The following PHACTR1 variants were observed in gnomAD, a reference collection of about 807,000 sequenced individuals.
PHACTR1 encodes the protein RPEL repeat containing 1.
PHACTR1 carries 16 observed loss-of-function variants against 69.2 expected under a neutral mutation model. The observed-to-expected ratio is 0.23, with a 90% confidence interval of 0.16 to 0.35. The LOEUF (loss-of-function observed/expected upper bound fraction) is 0.35. Ranked by LOEUF, PHACTR1 falls within the 10% of genes least tolerant of loss-of-function variation. The pLI is 1.00. For missense variants in PHACTR1, 510 were observed against 734.7 expected (o/e 0.69, Z 3.54); for synonymous variants, 312 against 284.5 (o/e 1.10, Z -0.97).
At chr6:13,218,856 GAGAAGAGAA>G (rs1768122168) in intron 8 of PHACTR1, among the ~76,000 whole-genome samples, 1 of 4,132 alleles carries the variant, frequency 2.4e-4, no homozygotes, top group Non-Finnish European at 1.0e-3. Flanking sequence ...GAGGAGGAAA[GAGAAGAGAA>G]GAGAAGAGAA....
At chr6:12,808,997 C>T (rs553432313) in intron 4 of PHACTR1, among the ~76,000 whole-genome samples, 2 of 152,176 alleles carry the variant, frequency 1.3e-5, no homozygotes, top group Admixed American at 6.5e-5. Context: ...CCCACTTCAG[C>T]CTCCTGGGTA....
intron 4 of PHACTR1, among the ~76,000 whole-genome samples, chr6:12,837,677 T>G (rs1251789905): frequency 1.3e-5 from 2 of 151,650 alleles, no homozygotes; most frequent in South Asian, 2.1e-4. Context: ...TATGTGGCCC[T>G]GGGCAAGTTT....
chr6:13,087,119 T>TTA (rs915472537), intron 5 of PHACTR1, among the ~76,000 whole-genome samples: 5 of 148,210 alleles, frequency 3.4e-5, no homozygotes, highest in East Asian at 3.9e-4. Flanking sequence ...TCAGACTGTT[T>TTA]TATATATATA....
At chr6:13,247,360 T>TGTGA (rs1554171051) in intron 10 of PHACTR1, among the ~76,000 whole-genome samples, 2 of 151,642 alleles carry the variant, frequency 1.3e-5, no homozygotes, top group African/African-American at 4.9e-5. Context: ...TGTGTGTGTG[T>TGTGA]GTGTGACGGA....
At chr6:12,789,502 T>G (rs1771962862) in intron 4 of PHACTR1, among the ~76,000 whole-genome samples, 2 of 152,290 alleles carry the variant, frequency 1.3e-5, no homozygotes, top group South Asian at 4.1e-4. Context: ...ATACTATATA[T>G]GAAGAGACAA....
chr6:13,038,231 GGCTGGTGTTACACA>G (rs1244277034), intron 4 of PHACTR1, among the ~76,000 whole-genome samples: 1 of 152,036 alleles, frequency 6.6e-6, no homozygotes, highest in East Asian at 1.9e-4. Flanking sequence ...TTAAAAACTT[GGCTGGTGTTACACA>G]GCTAGTAAGA....
intron 8 of PHACTR1, among the ~76,000 whole-genome samples, chr6:13,209,297 G>A (rs2113897713): frequency 6.6e-6 from 1 of 152,302 alleles, no homozygotes; most frequent in East Asian, 1.9e-4. Flanking sequence ...CCTGTTGCCT[G>A]TCAACATGAT....
chr6:13,084,037 G>C lies in PHACTR1; in HGVS notation c.415+30508G>C, dbSNP rs559544674. Among the ~76,000 whole-genome samples, 6 of 152,128 alleles carry C rather than the reference G, an allele frequency of 3.9e-5. No individual in the cohort carries two copies. The South Asian group carries it at 1.2e-3, about 31-fold the overall frequency. On this transcript the variant is annotated intron_variant, in intron 5 of 14. Transcript: ENST00000332995. ...TCCCATTACTGGGTATATACCCAAAGGATTATAAATCATGCTGCTATAAAG... is the reference window on the plus strand; with the variant it reads ...TCCCATTACTGGGTATATACCCAAACGATTATAAATCATGCTGCTATAAAG...
intron 7 of PHACTR1, among the ~76,000 whole-genome samples, chr6:13,200,055 A>AC (rs1392848986): frequency 6.6e-6 from 1 of 151,974 alleles, no homozygotes; most frequent in Non-Finnish European, 1.5e-5. Flanking sequence ...TATCCCAATG[A>AC]CCCCCCAGGA....
At position 13,231,682 on chromosome 6, in the gene PHACTR1, G is replaced by T. The variant is rs545354868; in HGVS notation, c.1391+1489G>T. Among the ~76,000 whole-genome samples the T allele has an allele frequency of 6.6e-5, 10 of 152,338 alleles. 1 individual carries two copies. The East Asian group carries it at 1.9e-3, about 29-fold the overall frequency. On this transcript the variant is annotated intron_variant, in intron 10 of 14. Transcript: ENST00000332995. ...TTATGTATGGATATTACAGACATGG[G>T]CATAGCTTTATGTTATATTAAGATA...
intron 5 of PHACTR1, among the ~76,000 whole-genome samples, chr6:13,063,916 T>C (rs1355629700): frequency 6.6e-6 from 1 of 152,196 alleles, no homozygotes; most frequent in Non-Finnish European, 1.5e-5. Flanking sequence ...CTGGGTGTTA[T>C]CCTAATGCAA....
intron 10 of PHACTR1, among the ~76,000 whole-genome samples, chr6:13,268,241 TG>T (rs1426554734): frequency 1.3e-5 from 2 of 152,210 alleles, no homozygotes; most frequent in African/African-American, 4.8e-5. Flanking sequence ...CACTCCAGCG[TG>T]GGTGACAGGG....
At chr6:12,853,212 G>A (rs960376469) in intron 4 of PHACTR1, among the ~76,000 whole-genome samples, 2 of 152,160 alleles carry the variant, frequency 1.3e-5, no homozygotes, top group East Asian at 3.9e-4. Flanking sequence ...GGCTCAAAAA[G>A]TTAGTCTCTT....
chr6:13,057,979 T>C (rs563270830), intron 5 of PHACTR1, among the ~76,000 whole-genome samples: 1 of 152,126 alleles, frequency 6.6e-6, no homozygotes, highest in African/African-American at 2.4e-5. Context: ...AAAACAGGAA[T>C]GGATGGAACA....
intron 4 of PHACTR1, among the ~76,000 whole-genome samples, chr6:12,919,664 T>C (rs1467655329): frequency 2.0e-5 from 3 of 152,234 alleles, no homozygotes; most frequent in Admixed American, 6.5e-5. Context: ...TGGGCTCTGG[T>C]ACACTTGGCA....
At position 13,157,144 on chromosome 6, in the gene PHACTR1, C is replaced by T. The variant is rs74507516; in HGVS notation, c.416-3060C>T. Among the ~76,000 whole-genome samples the T allele has an allele frequency of 3.4e-3, 525 of 152,304 alleles. 1 individual carries two copies. Among genetic ancestry groups the T allele is most frequent in the African/African-American group, 0.012 (480 of 41,570 alleles). ...ATGCTGGCAGCTGCAGCCACACCAG[C>T]TTTCTTTCTGTTCCTTCCTGGAACC... On this transcript the variant is annotated intron_variant, in intron 5 of 14. Coordinates refer to ENST00000332995, the MANE Select transcript of PHACTR1 (RefSeq NM_030948.6).
intron 5 of PHACTR1, among the ~76,000 whole-genome samples, chr6:13,138,728 C>G (rs1026981178): frequency 6.6e-6 from 1 of 152,178 alleles, no homozygotes; most frequent in Non-Finnish European, 1.5e-5. Flanking sequence ...GTCAGAGGCA[C>G]CTTGGCCCAG....
intron 7 of PHACTR1, among the ~76,000 whole-genome samples, chr6:13,193,673 C>A (rs1763945550): frequency 1.3e-5 from 2 of 150,934 alleles, no homozygotes; most frequent in Non-Finnish European, 3.0e-5. Flanking sequence ...CAGGCGAGAT[C>A]TGCCACATCC....
At chr6:13,162,124 G>A (rs898917062) in intron 6 of PHACTR1, among the ~76,000 whole-genome samples, 1 of 151,474 alleles carries the variant, frequency 6.6e-6, no homozygotes, top group Non-Finnish European at 1.5e-5. Context: ...TTTTGAGACA[G>A]AGCCTCCCTC....
Sources: gnomAD v4.1 joint callset for allele counts (sites outside exome capture counted in the v4.1 genomes callset) on GRCh38, gnomAD v4.1.1 for gene constraint, MANE v1.5 for transcripts, NCBI Gene and HGNC (gene_info 2026-07-23, HGNC 2026-07-21) for gene names.